Variants in PFKP observed in about 807,000 individuals in gnomAD.
The protein encoded by PFKP is ATP-dependent 6-phosphofructokinase, platelet type.
Under a neutral mutation model 94.3 loss-of-function variants are expected in PFKP, and 101 were observed. The observed-to-expected ratio is 1.07, with a 90% confidence interval of 0.91 to 1.26. The LOEUF is 1.26. Among genes scored for constraint, PFKP ranks in the 50% most tolerant of loss-of-function variants. The pLI is 0.00. For synonymous variants in PFKP, 573 were observed against 432.6 expected (o/e 1.32, Z -4.03); for missense variants, 1,145 against 1,103.3 (o/e 1.04, Z -0.53).
chr10:3,107,476 G>A (rs1835748485), intron 8 of PFKP, among the ~76,000 whole-genome samples, 167 bp downstream of exon 8: 1 of 152,240 alleles, frequency 6.6e-6, no homozygotes, highest in African/African-American at 2.4e-5. Context: ...GAAACACGCA[G>A]CTCCCGCTCC....
At chr10:3,069,373 G>A in intron 1 of PFKP, 1 of 1,590,114 alleles carries the variant, frequency 6.3e-7, no homozygotes, top group East Asian at 2.3e-5. Flanking sequence ...GACTTAAACC[G>A]GCCCGGAGAT....
rs1196054176 is a variant in PFKP at position 3,087,498 on chromosome 10, ATTC to A, written c.186+5042_186+5044del. Among the ~76,000 whole-genome samples the A allele has an allele frequency of 5.9e-5, 9 of 152,296 alleles. No homozygotes were observed. The East Asian group carries it at 1.5e-3, about 26-fold the overall frequency. ...TAGGGAAATTCACGGAATTTCTGCA[ATTC>A]TTCTGCTGAGATGTGGCCAAAATAA... On this transcript the variant is annotated intron_variant, in intron 2 of 21. Coordinates refer to ENST00000381125, the MANE Select transcript of PFKP (RefSeq NM_002627.5).
rs527254025 is a variant in PFKP at position 3,134,152 on chromosome 10, A to C, written c.2023-331A>C. Among the ~76,000 whole-genome samples, 6 of 152,370 alleles carry C rather than the reference A, an allele frequency of 3.9e-5. No individual in the cohort carries two copies. The South Asian group carries it at 1.2e-3, about 32-fold the overall frequency. ...GTAGGCATATGTGTGATCTTCTTAA[A>C]GAATCCACAACGGTTATCAGATTAA... On this transcript the variant is annotated intron_variant, in intron 19 of 21. Coordinates refer to ENST00000381125, the MANE Select transcript of PFKP (RefSeq NM_002627.5).
intron 2 of PFKP, among the ~76,000 whole-genome samples, chr10:3,096,092 T>C (rs1304714688): frequency 6.6e-6 from 1 of 152,246 alleles, no homozygotes; most frequent in African/African-American, 2.4e-5. Flanking sequence ...GAGGATTCGT[T>C]AACATGTTTG....
rs761448180 is a variant in PFKP, at chr10:3,134,531, G to A, written c.2071G>A (p.Ala691Thr). 6 of 1,613,984 alleles carry A rather than the reference G, an allele frequency of 3.7e-6. No homozygotes were observed. The highest frequency in any genetic ancestry group is 1.1e-5 in the South Asian group (1 of 91,082). The part of the protein sequence containing the change: ...FDRNFGTKIS[A>T]RAMEWITAKL... ...TAGAAACTTTGGAACCAAAATCTCT[G>A]CCAGAGCTATGGAGTGGATCACTGC... The change falls in exon 20 of 22, where the codon GCC becomes ACC. Residue 691 changes from alanine (A) to threonine (T), a missense_variant. Around this residue, in one of 3 missense-constraint regions of PFKP, gnomAD observed 1,119 missense variants for 1,062.8 expected, o/e 1.05. Transcript: ENST00000381125.
intron 5 of PFKP, chr10:3,104,874 G>C (rs976960928): frequency 3.4e-6 from 2 of 582,380 alleles, no homozygotes; most frequent in Non-Finnish European, 6.1e-6. Context: ...CGTGCAACTG[G>C]AGAGCGCAGA....
intron 2 of PFKP, among the ~76,000 whole-genome samples, chr10:3,093,721 G>T (rs1834244651): frequency 7.4e-6 from 1 of 135,616 alleles, no homozygotes; most frequent in South Asian, 2.3e-4. Flanking sequence ...TCAGCTCACT[G>T]CAAGCTCCGC....
intron 1 of PFKP, among the ~76,000 whole-genome samples, 157 bp from the exon 2 acceptor site, chr10:3,082,231 C>A (rs969830534): frequency 6.6e-6 from 1 of 152,016 alleles, no homozygotes; most frequent in Non-Finnish European, 1.5e-5. Context: ...TCTTTTAGTC[C>A]TTACCCTAAT....
rs189233516 is a variant in PFKP at position 3,098,545 on chromosome 10, G to A, written c.187-730G>A. On this transcript the variant is annotated intron_variant, in intron 2 of 21. Transcript: ENST00000381125. Reference sequence around the variant, plus strand: ...CAAAAATTAGCCAGGTGCAGTGGCAGGCACCTGTAATCCCAGCTGCTCAGG... The same window carrying A: ...CAAAAATTAGCCAGGTGCAGTGGCAAGCACCTGTAATCCCAGCTGCTCAGG... 1.4e-3 allele frequency among the ~76,000 whole-genome samples: 220 copies of A among 151,776 alleles called. 1 individual carries two copies. The highest frequency in any genetic ancestry group is 5.0e-3 in the African/African-American group (208 of 41,248).
At chr10:3,125,067 C>T (rs775044915) in intron 16 of PFKP, 5 of 1,205,568 alleles carry the variant, frequency 4.1e-6, no homozygotes, top group Non-Finnish European at 4.2e-6. Context: ...ACCCGGCACC[C>T]CCGCTAACCG....
At chr10:3,124,891 C>T (rs535064808) in intron 16 of PFKP, among the ~76,000 whole-genome samples, 196 of 152,318 alleles carry the variant, frequency 1.3e-3, no homozygotes, top group Middle Eastern at 0.01. Context: ...AGGACCTGGG[C>T]TGTGCCCAGG....
intron 13 of PFKP, 29 bp from the exon 14 acceptor site, chr10:3,116,747 A>G (rs1240380802): frequency 8.9e-6 from 14 of 1,568,444 alleles, no homozygotes; most frequent in South Asian, 1.1e-5. Context: ...TGTTCACTTT[A>G]GCTGTTTCGT....
chr10:3,126,386 A>G (rs536697528), intron 16 of PFKP, among the ~76,000 whole-genome samples: 1 of 152,132 alleles, frequency 6.6e-6, no homozygotes, highest in African/African-American at 2.4e-5. Flanking sequence ...CCCGCACTTG[A>G]CCCCTGTTGG....
At chr10:3,068,727 G>A (rs78224209) in intron 1 of PFKP, 99 of 983,426 alleles carry the variant, frequency 1.0e-4, no homozygotes, top group Non-Finnish European at 1.1e-4. Context: ...GTCCCGATCC[G>A]TGCAATCCCT....
chr10:3,125,064 AC>A, intron 16 of PFKP: 3 of 1,194,550 alleles, frequency 2.5e-6, no homozygotes, highest in Admixed American at 3.5e-5. Context: ...AGCACCCGGC[AC>A]CCCCGCTAAC....
At position 3,113,127 on chromosome 10, in the gene PFKP, C is replaced by A. The variant is rs1350672515; in HGVS notation, c.1163C>A (p.Ala388Glu). 1.2e-6 allele frequency: 2 copies of A among 1,612,330 alleles called. No homozygotes were observed. The highest frequency in any genetic ancestry group is 2.2e-5 in the South Asian group (2 of 90,726). Residue 388 changes from alanine to glutamate, a missense_variant, in exon 12 of 22, where the codon GCG becomes GAG. Ala to Glu is a moderately radical substitution (Grantham distance 107). This residue lies in a region of PFKP where 1,119 missense variants were observed against 1,062.8 expected (regional missense o/e 1.05). Coordinates refer to ENST00000381125, the MANE Select transcript of PFKP (RefSeq NM_002627.5). Reference sequence around the variant, plus strand: ...ACACCCTTTTCCTTTAGGAGCTTTGCGGGCAACCTGAACACCTACAAGCGA... The same window carrying A: ...ACACCCTTTTCCTTTAGGAGCTTTGAGGGCAACCTGAACACCTACAAGCGA... ...DAVRLRGRSF[A>E]GNLNTYKRLA... is the part of the protein sequence containing the mutation.
intron 2 of PFKP, 45 bp from the exon 3 acceptor site, chr10:3,099,230 G>C (rs938831094): frequency 1.1e-5 from 15 of 1,422,142 alleles, no homozygotes; most frequent in Non-Finnish European, 5.0e-6. Flanking sequence ...TTCCCATTTA[G>C]TGAAGTTTAT....
rs1231272322 is a variant in PFKP, at chr10:3,136,698, C to T, written c.*119C>T. The T allele has an allele frequency of 4.9e-6, 5 of 1,026,882 alleles. No homozygotes were observed. Among genetic ancestry groups the T allele is most frequent in the Non-Finnish European group, 7.1e-6 (5 of 700,360 alleles). 63.6% of individuals were successfully genotyped at this position (1,026,882 alleles called of 1,614,324 possible). The stretch of plus-strand genomic sequence containing the variant: ...GACATTAATACCTAATCGGCGAGTG[C>T]CCATCTGCCCCACCTGCTCCAGTGC... On this transcript the variant is annotated 3_prime_UTR_variant, in exon 22 of 22. Transcript: ENST00000381125.
At chr10:3,075,827 C>A (rs1270314180) in intron 1 of PFKP, among the ~76,000 whole-genome samples, 1 of 149,646 alleles carries the variant, frequency 6.7e-6, no homozygotes, top group African/African-American at 2.5e-5. Context: ...ATTGCCTGAG[C>A]CCAGGAGTTG....
Sources: gnomAD v4.1 joint callset for allele counts (sites outside exome capture counted in the v4.1 genomes callset) on GRCh38, gnomAD v4.1.1 for gene constraint, gnomAD v4.1.1 regional missense constraint, MANE v1.5 for transcripts, NCBI Gene and HGNC (gene_info 2026-07-23, HGNC 2026-07-21) for gene names.